The following PHKA1 variants were observed in gnomAD, a reference collection of about 807,000 sequenced individuals.
The protein encoded by PHKA1 is phosphorylase kinase regulatory subunit alpha 1.
Under a neutral mutation model 110.2 loss-of-function variants are expected in PHKA1, and 60 were observed. The observed-to-expected ratio is 0.54, with a 90% CI of 0.44 to 0.68. The LOEUF is 0.68. Ranked by LOEUF, PHKA1 falls within the 30% of genes least tolerant of loss-of-function variation. The pLI, the probability that PHKA1 is intolerant of heterozygous loss-of-function variation, is 0.00. For synonymous variants in PHKA1, 316 were observed against 333.6 expected (o/e 0.95, Z 0.58); for missense variants, 801 against 942.5 (o/e 0.85, Z 1.97).
At chrX:72,620,178 G>A in intron 19 of PHKA1, among the ~76,000 whole-genome samples, 1 of 111,155 alleles carries the variant, frequency 9.0e-6, no homozygotes, top group African/African-American at 3.3e-5. Context: ...TGTGGCCAAG[G>A]AGCCCTTCTC....
In PHKA1 at chrX:72,620,750, G is replaced by A. The variant is rs782437467; in HGVS notation, c.2112C>T (p.Thr704=). The A allele has an allele frequency of 2.4e-5, 29 of 1,206,748 alleles. No individual in the cohort carries two copies. In the African/African-American group the frequency reaches 3.3e-4, roughly 14 times the overall value. The change falls in exon 19 of 32, where the codon ACC becomes ACT. Residue 704 remains threonine, a synonymous_variant. Coordinates refer to ENST00000373542, the MANE Select transcript of PHKA1 (RefSeq NM_002637.4). The part of the protein sequence containing the change: ...QTTCDLMSLV[T]KAKELHVQNV... ...TCTGTACATGCAGTTCCTTGGCCTT[G>A]GTCACCAAGGACATTAAGTCGCAGG...
intron 23 of PHKA1, among the ~76,000 whole-genome samples, chrX:72,607,412 A>T (rs782714117): frequency 8.9e-6 from 1 of 111,880 alleles, no homozygotes; most frequent in South Asian, 3.7e-4. Flanking sequence ...GATAAAAGCC[A>T]TTTTAACTGG....
At chrX:72,697,871 C>T (rs1215861960) in intron 3 of PHKA1, among the ~76,000 whole-genome samples, 3 of 108,938 alleles carry the variant, frequency 2.8e-5, no homozygotes, top group African/African-American at 1.0e-4. Context: ...GTAGTCCCAG[C>T]TACTCGGGAG....
chrX:72,591,863 G>A (rs1457058450), intron 29 of PHKA1, among the ~76,000 whole-genome samples: 1 of 111,724 alleles, frequency 9.0e-6, no homozygotes, highest in African/African-American at 3.3e-5. Context: ...GCTTTTCTTT[G>A]AACATAAAGT....
Position 72,584,338 on chromosome X carries a change from C to G in PHKA1, c.3244-36G>C, listed in dbSNP as rs373392862. 60 of 1,149,205 alleles carry G rather than the reference C, an allele frequency of 5.2e-5. No homozygotes were observed. In the African/African-American group the frequency reaches 1.0e-3, roughly 19 times the overall value. 94.7% of individuals were successfully genotyped at this position (1,149,205 alleles called of 1,213,427 possible). A position where few individuals can be genotyped will look rare whatever the true frequency, so the allele number is the denominator to read the frequency against. On this transcript the variant is annotated intron_variant, in intron 29 of 31. Coordinates refer to ENST00000373542, the MANE Select transcript of PHKA1 (RefSeq NM_002637.4). ...GAAAAAAAACCATATCACCAAAAAC[C>G]ATATCACCAAGGATAGACAAACAAC...
At chrX:72,695,318 T>C (rs782185393) in intron 4 of PHKA1, among the ~76,000 whole-genome samples, 1 of 111,925 alleles carries the variant, frequency 8.9e-6, no homozygotes, top group East Asian at 2.8e-4. Flanking sequence ...GCATCCAAAA[T>C]TAATAAATTG....
chrX:72,594,891 C>G (rs782611997), intron 28 of PHKA1, among the ~76,000 whole-genome samples: 1 of 112,596 alleles, frequency 8.9e-6, no homozygotes, highest in South Asian at 3.7e-4. Context: ...GGAATTATTA[C>G]TAGCTCTTCA....
At chrX:72,628,991 T>C (rs1556285130) in intron 16 of PHKA1, among the ~76,000 whole-genome samples, 1 of 111,929 alleles carries the variant, frequency 8.9e-6, no homozygotes, top group East Asian at 2.8e-4. Context: ...CTAAATGAAT[T>C]ATTTTCCCAA....
intron 17 of PHKA1, among the ~76,000 whole-genome samples, chrX:72,625,854 G>A (rs887210568): frequency 9.0e-6 from 1 of 110,974 alleles, no homozygotes; most frequent in East Asian, 2.8e-4. Flanking sequence ...TTTGTAGAGA[G>A]AGGTTTTTGC....
intron 7 of PHKA1, among the ~76,000 whole-genome samples, 156 bp downstream of exon 7, chrX:72,667,219 C>T (rs1445274178): frequency 8.9e-6 from 1 of 112,567 alleles, no homozygotes; most frequent in Non-Finnish European, 1.9e-5. Flanking sequence ...TGGCTTATCT[C>T]AGTATAGTAT....
intron 16 of PHKA1, among the ~76,000 whole-genome samples, chrX:72,632,493 C>T (rs1449948397): frequency 2.7e-5 from 3 of 111,617 alleles, no homozygotes; most frequent in Non-Finnish European, 5.7e-5. Context: ...TTCTTGTCAG[C>T]ATTTACATGA....
chrX:72,613,378 TACACACACAC>T, intron 21 of PHKA1, among the ~76,000 whole-genome samples: 1 of 97,972 alleles, frequency 1.0e-5, no homozygotes, highest in Admixed American at 1.1e-4. Context: ...CATGGGAGGA[TACACACACAC>T]ACACACACAC....
rs367798015 is a variant in PHKA1, at chrX:72,603,146, C to G, written c.2890G>C (p.Gly964Arg). ...MKNLLHHILSGKEFGVERSVR... is the reference protein window; with the variant it reads ...MKNLLHHILSRKEFGVERSVR... The stretch of plus-strand genomic sequence containing the variant: ...CTTCGTTCCACTCCAAACTCCTTGC[C>G]GCTGAGAATGTGATGCAGGAGATTC... Residue 964 changes from glycine (G) to arginine (R), a missense_variant, in exon 26 of 32, where the codon GGC becomes CGC. Gly to Arg is a moderately radical substitution (Grantham distance 125). Transcript: ENST00000373542. 8.3e-7 allele frequency: 1 copy of G among 1,204,927 alleles called. No homozygotes were observed. Among genetic ancestry groups the G allele is most frequent in the Admixed American group, 2.2e-5 (1 of 45,912 alleles).
intron 9 of PHKA1, 69 bp from the exon 10 acceptor site, chrX:72,656,311 A>G: frequency 9.2e-7 from 1 of 1,083,021 alleles, no homozygotes; most frequent in Non-Finnish European, 1.3e-6. Context: ...CAGAGGTATT[A>G]TAATACGGGT....
intron 6 of PHKA1, among the ~76,000 whole-genome samples, 173 bp downstream of exon 6, chrX:72,675,897 T>G (rs1242142648): frequency 9.0e-6 from 1 of 111,133 alleles, no homozygotes; most frequent in Admixed American, 9.6e-5. Context: ...CTGCAGCTTA[T>G]GAAAGTTTTC....
chrX:72,686,225 T>C (rs782195861), intron 4 of PHKA1, among the ~76,000 whole-genome samples: 10 of 111,870 alleles, frequency 8.9e-5, no homozygotes, highest in Non-Finnish European at 1.5e-4. Flanking sequence ...GTAATACTCT[T>C]TCATGAAAAA....
At chrX:72,651,258 C>T (rs999238956) in intron 12 of PHKA1, among the ~76,000 whole-genome samples, 2 of 111,333 alleles carry the variant, frequency 1.8e-5, no homozygotes, top group African/African-American at 3.3e-5. Flanking sequence ...AATCACTGGC[C>T]GGGCGCAGTG....
intron 6 of PHKA1, among the ~76,000 whole-genome samples, chrX:72,670,326 G>T (rs1478221476): frequency 9.0e-6 from 1 of 111,517 alleles, no homozygotes. Context: ...TCTATAGGTT[G>T]CCTGTTCACT....
chrX:72,644,780 T>C (rs2053341146), intron 13 of PHKA1, among the ~76,000 whole-genome samples: 1 of 111,673 alleles, frequency 9.0e-6, no homozygotes, highest in Non-Finnish European at 1.9e-5. Context: ...TAAGATTCCA[T>C]GTTTAAATGG....
Sources: allele counts gnomAD v4.1 joint callset (sites outside exome capture counted in the v4.1 genomes callset), GRCh38; gene constraint gnomAD v4.1.1; transcripts MANE v1.5; gene names NCBI Gene and HGNC (gene_info 2026-07-23, HGNC 2026-07-21).